UBE2D2: variants seen among roughly 807,000 people sequenced by gnomAD.
UBE2D2 encodes ubiquitin conjugating enzyme E2 D2, also known as ubiquitin-conjugating enzyme E2 D2.
A neutral mutation model predicts 24.2 loss-of-function variants in UBE2D2; 2 were observed. That is an observed-to-expected ratio of 0.08 (90% CI 0.03 to 0.26). The LOEUF (loss-of-function observed/expected upper bound fraction) is 0.26, where lower values mean the gene tolerates loss of function less well. Among genes scored for constraint, UBE2D2 ranks in the 10% least tolerant of loss-of-function variants. The probability of loss-of-function intolerance (pLI) is 1.00; values close to 1 mark genes in which losing one functional copy is unlikely to be tolerated. For synonymous variants in UBE2D2, 58 were observed against 56.5 expected, an observed-to-expected ratio of 1.03 and a Z score of -0.12; for missense variants, 44 against 177.6, an observed-to-expected ratio of 0.25 and a Z score of 4.28.
Position 139,561,812 on chromosome 5 carries a change from C to T in UBE2D2, c.21C>T (p.His7=), listed in dbSNP as rs1389604225. ...CCACCATGGCTCTGAAGAGAATCCA[C>T]AAGGTAAGCGGCCGGAGGTCGGCTG... MALKRI[H]KELNDLARDP... The change falls in exon 1 of 7, where the codon CAC becomes CAT. Residue 7 remains histidine, a synonymous_variant. Coordinates refer to ENST00000398733, the MANE Select transcript of UBE2D2 (RefSeq NM_003339.3). 2 of 1,505,280 alleles carry T rather than the reference C, an allele frequency of 1.3e-6. No homozygotes were observed. Among genetic ancestry groups the T allele is most frequent in the South Asian group, 1.3e-5 (1 of 77,716 alleles). The allele number at this position is 1,505,280 out of a possible 1,614,324, so 93.2% of individuals were successfully genotyped here.
At chr5:139,561,898 C>T (rs1045376566) in intron 1 of UBE2D2, 83 bp downstream of exon 1, 1 of 1,425,884 alleles carries the variant, frequency 7.0e-7, no homozygotes, top group Non-Finnish European at 9.1e-7. Flanking sequence ...CCGTCGGGCT[C>T]GCGGCCTCCT....
At position 139,580,139 on chromosome 5, in the gene UBE2D2, C is replaced by T. The variant is rs116030282; in HGVS notation, c.24+18324C>T. 7.7e-3 allele frequency among the ~76,000 whole-genome samples: 1,176 copies of T among 152,182 alleles called. 8 individuals are homozygous for T. Among genetic ancestry groups the T allele is most frequent in the Middle Eastern group, 0.041 (12 of 294 alleles). On this transcript the variant is annotated intron_variant, in intron 1 of 6. Transcript: ENST00000398733. The stretch of plus-strand genomic sequence containing the variant: ...ACAGAGTCTCACTCTTGTCACCCAG[C>T]ATTGAGTGCAATGGAGCAACCATAG...
At chr5:139,605,807 C>T (rs1164633910) in intron 2 of UBE2D2, among the ~76,000 whole-genome samples, 1 of 151,178 alleles carries the variant, frequency 6.6e-6, no homozygotes, top group East Asian at 2.0e-4. Context: ...GGCGCGATTG[C>T]AGCTCACTGA....
chr5:139,591,374 C>T (rs1441722287), intron 1 of UBE2D2, among the ~76,000 whole-genome samples: 3 of 152,224 alleles, frequency 2.0e-5, no homozygotes, highest in African/African-American at 4.8e-5. Context: ...CCCACCTCAG[C>T]CTCCCAAAGT....
intron 1 of UBE2D2, among the ~76,000 whole-genome samples, chr5:139,576,261 G>A (rs1380454916): frequency 6.6e-6 from 1 of 152,174 alleles, no homozygotes; most frequent in Non-Finnish European, 1.5e-5. Context: ...GCAGTCTAAA[G>A]TCAGTCTGTC....
At chr5:139,527,934 C>T (rs1752559482) in intron 1 of UBE2D2, among the ~76,000 whole-genome samples, 1 of 152,244 alleles carries the variant, frequency 6.6e-6, no homozygotes, top group South Asian at 2.1e-4. Context: ...TGTCCCCCTT[C>T]CACTAAGGTG....
At chr5:139,562,915 A>T (rs1753141624) in intron 1 of UBE2D2, among the ~76,000 whole-genome samples, 1 of 152,044 alleles carries the variant, frequency 6.6e-6, no homozygotes, top group African/African-American at 2.4e-5. Flanking sequence ...GGCTATATTA[A>T]ACCGGTAGCT....
At chr5:139,592,597 T>A (rs1389469305) in intron 1 of UBE2D2, among the ~76,000 whole-genome samples, 2 of 65,234 alleles carry the variant, frequency 3.1e-5, no homozygotes, top group Non-Finnish European at 3.3e-5. Context: ...TTCAGTAATC[T>A]TTTTTTTTTT....
chr5:139,624,777 G>A (rs1042614788), intron 6 of UBE2D2, among the ~76,000 whole-genome samples: 2 of 152,236 alleles, frequency 1.3e-5, no homozygotes, highest in Admixed American at 6.5e-5. Flanking sequence ...CAAGACTCAC[G>A]TCTCCAACTT....
At chr5:139,585,375 C>T (rs1045363349) in intron 1 of UBE2D2, among the ~76,000 whole-genome samples, 7 of 151,848 alleles carry the variant, frequency 4.6e-5, no homozygotes, top group South Asian at 2.1e-4. Context: ...ACCACATCCC[C>T]GCTAATTTTT....
chr5:139,569,547 G>A (rs773961042), intron 1 of UBE2D2, among the ~76,000 whole-genome samples: 1 of 152,170 alleles, frequency 6.6e-6, no homozygotes, highest in Non-Finnish European at 1.5e-5. Flanking sequence ...TGTTTTGTCT[G>A]TAGAAATAAA....
intron 1 of UBE2D2, among the ~76,000 whole-genome samples, chr5:139,538,014 T>C (rs1752708172): frequency 6.6e-6 from 1 of 151,838 alleles, no homozygotes; most frequent in African/African-American, 2.4e-5. Flanking sequence ...TATGGCATGA[T>C]ACAGTTTTTT....
Position 139,608,602 on chromosome 5 carries a change from A to G in UBE2D2, c.89-5984A>G, listed in dbSNP as rs995938743. Among the ~76,000 whole-genome samples, 3 of 151,956 alleles carry G rather than the reference A, an allele frequency of 2.0e-5. No individual in the cohort carries two copies. The East Asian group carries it at 5.8e-4, about 29-fold the overall frequency. ...AGACCCCGTCTCTATTTTAAAAAAAAAAGAAGAAGAAGGGTATTCTTTCCA... is the reference window on the plus strand; with the variant it reads ...AGACCCCGTCTCTATTTTAAAAAAAGAAGAAGAAGAAGGGTATTCTTTCCA... On this transcript the variant is annotated intron_variant, in intron 2 of 6. Coordinates refer to ENST00000398733, the MANE Select transcript of UBE2D2 (RefSeq NM_003339.3).
In UBE2D2 at chr5:139,625,878, T is replaced by A. The variant is rs181287469; in HGVS notation, c.399-878T>A. 2.9e-3 allele frequency among the ~76,000 whole-genome samples: 442 copies of A among 152,296 alleles called. 4 individuals carry two copies. The highest frequency in any genetic ancestry group is 8.8e-3 in the African/African-American group (365 of 41,564). On this transcript the variant is annotated intron_variant, in intron 6 of 6. Coordinates refer to ENST00000398733, the MANE Select transcript of UBE2D2 (RefSeq NM_003339.3). ...CTCCAGCCTCCCAAAGTGCTGGGATTACAGGCGTGAGCCACCACACCCGGC... is the reference window on the plus strand; with the variant it reads ...CTCCAGCCTCCCAAAGTGCTGGGATAACAGGCGTGAGCCACCACACCCGGC...
At chr5:139,568,399 C>T (rs1753285424) in intron 1 of UBE2D2, among the ~76,000 whole-genome samples, 1 of 151,322 alleles carries the variant, frequency 6.6e-6, no homozygotes, top group African/African-American at 2.4e-5. Context: ...GTGGCTCATG[C>T]CTGTAATCCC....
intron 2 of UBE2D2, among the ~76,000 whole-genome samples, chr5:139,601,972 T>TA (rs1268216484): frequency 2.6e-5 from 4 of 152,212 alleles, no homozygotes; most frequent in African/African-American, 9.6e-5. Context: ...TATGCATACT[T>TA]ACAAACACTT....
At chr5:139,583,673 A>G (rs1490560916) in intron 1 of UBE2D2, among the ~76,000 whole-genome samples, 1 of 152,162 alleles carries the variant, frequency 6.6e-6, no homozygotes, top group East Asian at 1.9e-4. Context: ...GAGACAGGAG[A>G]ATTGCTTGAA....
intron 1 of UBE2D2, among the ~76,000 whole-genome samples, chr5:139,531,383 C>T (rs1752594881): frequency 6.6e-6 from 1 of 152,198 alleles, no homozygotes; most frequent in Non-Finnish European, 1.5e-5. Flanking sequence ...CGCCTGCCTG[C>T]TCAAATCAAT....
At position 139,614,846 on chromosome 5, in the gene UBE2D2, C is replaced by G; in HGVS notation, c.199-15C>G. On this transcript the variant is annotated splice_polypyrimidine_tract_variant and intron_variant, in intron 4 of 6. Coordinates refer to ENST00000398733, the MANE Select transcript of UBE2D2 (RefSeq NM_003339.3). ...TAATAAACTAGTTTACAGAAAGTTT[C>G]CTTTCTTTCTGTAGGTTGCATTTAC... 1 of 1,611,538 alleles carries G rather than the reference C, an allele frequency of 6.2e-7. No individual in the cohort carries two copies. Among genetic ancestry groups the G allele is most frequent in the South Asian group, 1.1e-5 (1 of 90,644 alleles).
Sources: allele counts gnomAD v4.1 joint callset (sites outside exome capture counted in the v4.1 genomes callset), GRCh38; gene constraint gnomAD v4.1.1; transcripts MANE v1.5; gene names NCBI Gene and HGNC (gene_info 2026-07-23, HGNC 2026-07-21).